Variants in ASIC2 observed in about 807,000 individuals in gnomAD.
ASIC2 encodes acid sensing ion channel subunit 2.
A neutral mutation model predicts 57.3 loss-of-function variants in ASIC2; 25 were observed. That is an observed-to-expected ratio of 0.44 (90% CI 0.32 to 0.61). ASIC2 has a LOEUF of 0.61. Ranked by LOEUF, ASIC2 falls within the 20% of genes least tolerant of loss-of-function variation. The pLI is 0.06. For missense variants in ASIC2, 641 were observed against 738.1 expected, an observed-to-expected ratio of 0.87 and a Z score of 1.52; for synonymous variants, 319 against 307.5, an observed-to-expected ratio of 1.04 and a Z score of -0.39.
At chr17:33,859,825 C>T (rs1402436164) in intron 1 of ASIC2, among the ~76,000 whole-genome samples, 4 of 152,182 alleles carry the variant, frequency 2.6e-5, no homozygotes, top group Non-Finnish European at 5.9e-5. Context: ...GCTGGGAATA[C>T]AGGTGCATGT....
intron 1 of ASIC2, among the ~76,000 whole-genome samples, chr17:33,833,137 C>T (rs374721033): frequency 7.9e-5 from 12 of 152,018 alleles, no homozygotes; most frequent in Middle Eastern, 3.4e-3. Flanking sequence ...ATTGGAAATA[C>T]GAAATAAGAA....
chr17:33,867,175 G>C (rs1337504563), intron 1 of ASIC2, among the ~76,000 whole-genome samples: 1 of 152,098 alleles, frequency 6.6e-6, no homozygotes, highest in Non-Finnish European at 1.5e-5. Flanking sequence ...ATCAGAAAGA[G>C]CTTCATAGAA....
intron 1 of ASIC2, among the ~76,000 whole-genome samples, chr17:33,585,625 G>A (rs138554331): frequency 1.3e-4 from 20 of 152,270 alleles, no homozygotes; most frequent in African/African-American, 4.6e-4. Context: ...CCCAGGAGTT[G>A]GTTGCAATAT....
chr17:33,162,165 A>G (rs1280501021), intron 1 of ASIC2, among the ~76,000 whole-genome samples: 1 of 152,082 alleles, frequency 6.6e-6, no homozygotes, highest in African/African-American at 2.4e-5. Flanking sequence ...GTCTTTTGTG[A>G]GAGCTTGGTT....
intron 3 of ASIC2, among the ~76,000 whole-genome samples, chr17:33,050,896 G>A (rs1232397734): frequency 6.6e-6 from 1 of 152,078 alleles, no homozygotes; most frequent in African/African-American, 2.4e-5. Context: ...GATTAGGTAT[G>A]AGGTAGGTAC....
chr17:33,799,377 C>CCTTTCTTTCTTTCTTTCTTT (rs150337011), intron 1 of ASIC2, among the ~76,000 whole-genome samples: 3 of 40,954 alleles, frequency 7.3e-5, no homozygotes, highest in Admixed American at 2.5e-4. Context: ...TTTCTTTCTT[C>CCTTTCTTTCTTTCTTTCTTT]CTTTCTTTCT....
At chr17:33,517,039 C>T (rs908540370) in intron 1 of ASIC2, among the ~76,000 whole-genome samples, 1 of 152,222 alleles carries the variant, frequency 6.6e-6, no homozygotes, top group Non-Finnish European at 1.5e-5. Context: ...CTCTTTTCTT[C>T]TAGATGTTGT....
chr17:33,946,160 G>A (rs1904368534), intron 1 of ASIC2, among the ~76,000 whole-genome samples: 2 of 152,202 alleles, frequency 1.3e-5, no homozygotes, highest in South Asian at 4.1e-4. Context: ...GGCGGCCACT[G>A]CAGCTCAAGA....
At chr17:33,087,757 T>C (rs1255861150) in intron 3 of ASIC2, among the ~76,000 whole-genome samples, 2 of 151,464 alleles carry the variant, frequency 1.3e-5, no homozygotes, top group Admixed American at 1.3e-4. Context: ...TAAGGTCTCA[T>C]AATGTTGCCC....
chr17:33,302,616 C>G (rs1906005293), intron 1 of ASIC2, among the ~76,000 whole-genome samples: 1 of 152,240 alleles, frequency 6.6e-6, no homozygotes, highest in African/African-American at 2.4e-5. Context: ...GTTGTTTACT[C>G]TCTTTCCCTT....
chr17:33,262,865 C>T (rs1172218106), intron 1 of ASIC2, among the ~76,000 whole-genome samples: 6 of 152,148 alleles, frequency 3.9e-5, no homozygotes, highest in African/African-American at 1.2e-4. Flanking sequence ...GAGAAAGCCT[C>T]GCCCATGTGT....
At chr17:33,119,953 A>G (rs1020698474) in intron 1 of ASIC2, among the ~76,000 whole-genome samples, 1 of 152,196 alleles carries the variant, frequency 6.6e-6, no homozygotes, top group Non-Finnish European at 1.5e-5. Flanking sequence ...ATGAGTGGGC[A>G]CTGTGCTGAT....
chr17:33,122,799 G>C (rs540863394), intron 1 of ASIC2, among the ~76,000 whole-genome samples: 1 of 152,254 alleles, frequency 6.6e-6, no homozygotes, highest in East Asian at 1.9e-4. Flanking sequence ...TGCACCCTTT[G>C]ATCAACATCT....
chr17:33,166,997 G>A (rs771540561), intron 1 of ASIC2, among the ~76,000 whole-genome samples: 1 of 152,238 alleles, frequency 6.6e-6, no homozygotes. Context: ...GGAAGAGCCA[G>A]CAATGTCTGT....
intron 1 of ASIC2, among the ~76,000 whole-genome samples, chr17:33,149,541 T>C (rs1465128264): frequency 1.3e-5 from 2 of 152,246 alleles, no homozygotes; most frequent in Admixed American, 1.3e-4. Context: ...ACACAGTGAC[T>C]TGTATATAGT....
At chr17:33,786,609 T>C (rs1038308489) in intron 1 of ASIC2, among the ~76,000 whole-genome samples, 3 of 152,258 alleles carry the variant, frequency 2.0e-5, no homozygotes, top group African/African-American at 7.2e-5. Flanking sequence ...CACTACTCTT[T>C]CCTTATTTTT....
intron 1 of ASIC2, among the ~76,000 whole-genome samples, chr17:33,387,531 A>C (rs1471894728): frequency 6.6e-6 from 1 of 152,212 alleles, no homozygotes; most frequent in East Asian, 1.9e-4. Flanking sequence ...TCTCTCACCT[A>C]GCCAGATGTA....
chr17:33,889,332 A>G (rs938317712), intron 1 of ASIC2, among the ~76,000 whole-genome samples: 1 of 152,170 alleles, frequency 6.6e-6, no homozygotes, highest in African/African-American at 2.4e-5. Flanking sequence ...AGAGGCATTG[A>G]GTGAGGGAAG....
intron 1 of ASIC2, among the ~76,000 whole-genome samples, chr17:34,118,049 G>A (rs1026549954): frequency 6.6e-6 from 1 of 152,102 alleles, no homozygotes; most frequent in Non-Finnish European, 1.5e-5. Flanking sequence ...CAGGCTGGGG[G>A]GTCTCCTGGC....
Sources: allele counts gnomAD v4.1 joint callset (sites outside exome capture counted in the v4.1 genomes callset), GRCh38; gene constraint gnomAD v4.1.1; transcripts MANE v1.5; gene names NCBI Gene and HGNC (gene_info 2026-07-23, HGNC 2026-07-21).